ACACB: variants seen among roughly 807,000 people sequenced by gnomAD.
The protein encoded by ACACB is acetyl-CoA carboxylase beta.
A neutral mutation model predicts 278.8 loss-of-function variants in ACACB; 209 were observed. The ratio of observed to expected loss-of-function variants is 0.75; its 90% CI spans 0.67 to 0.84. The LOEUF is 0.84. Ranked by LOEUF, ACACB falls within the 40% of genes least tolerant of loss-of-function variation. ACACB has a pLI of 0.00. For synonymous variants in ACACB, 1,174 were observed against 1,285.6 expected, an observed-to-expected ratio of 0.91 and a Z score of 1.86; for missense variants, 2,850 against 3,269.0, an observed-to-expected ratio of 0.87 and a Z score of 3.13.
intron 2 of ACACB, among the ~76,000 whole-genome samples, chr12:109,149,388 T>C (rs1310255221): frequency 6.6e-6 from 1 of 152,086 alleles, no homozygotes; most frequent in East Asian, 1.9e-4. Flanking sequence ...TTTGTTCCTT[T>C]ATATGTGGAG....
At chr12:109,260,145 T>G (rs1346944837) in intron 47 of ACACB, 1 of 1,397,396 alleles carries the variant, frequency 7.2e-7, no homozygotes, top group East Asian at 3.9e-5. Context: ...AGGATCAGTG[T>G]GACTGTTAGT....
At chr12:109,195,874 GA>G (rs2045107753) in intron 16 of ACACB, among the ~76,000 whole-genome samples, 1 of 152,090 alleles carries the variant, frequency 6.6e-6, no homozygotes, top group South Asian at 2.1e-4. Context: ...TGTGACTGAG[GA>G]ACTGAATTTT....
chr12:109,143,512 G>A (rs1050865122), intron 2 of ACACB, among the ~76,000 whole-genome samples: 5 of 149,812 alleles, frequency 3.3e-5, no homozygotes, highest in Non-Finnish European at 7.4e-5. Context: ...CCAGACTCCT[G>A]AGATGTGACC....
rs376875433 is a variant in ACACB, at chr12:109,191,954, G to C, written c.2399+4G>C. 6.2e-7 allele frequency: 1 copy of C among 1,614,024 alleles called. No individual in the cohort carries two copies. Among genetic ancestry groups the C allele is most frequent in the African/African-American group, 1.3e-5 (1 of 74,930 alleles). On this transcript the variant is annotated splice_donor_region_variant and intron_variant, in intron 15 of 52. Coordinates refer to ENST00000338432, the MANE Select transcript of ACACB (RefSeq NM_001093.4). ...ATTTCTTACACTCCCTGGAAAGGTA[G>C]GGGCTGTGGCAGTTCCCTTCTGCTT...
At chr12:109,131,518 T>C (rs762667747) in intron 1 of ACACB, 1 of 152,660 alleles carries the variant, frequency 6.6e-6, no homozygotes, top group African/African-American at 2.4e-5. Flanking sequence ...TTCTGTCCCC[T>C]CTGTCCTTTA....
At chr12:109,210,584 TATAAAC>T (rs2045812076) in intron 21 of ACACB, among the ~76,000 whole-genome samples, 1 of 149,058 alleles carries the variant, frequency 6.7e-6, no homozygotes, top group South Asian at 2.1e-4. Flanking sequence ...TGTATATACA[TATAAAC>T]ATATATATGT....
At chr12:109,171,133 C>T (rs1033607649) in intron 4 of ACACB, among the ~76,000 whole-genome samples, 13 of 149,680 alleles carry the variant, frequency 8.7e-5, no homozygotes, top group Non-Finnish European at 7.4e-5. Flanking sequence ...GGATGTCAGG[C>T]GTGCACCACC....
In ACACB at chr12:109,139,925, T is replaced by C. The variant is rs1308392719; in HGVS notation, c.520T>C (p.Ser174Pro). Residue 174 changes from serine to proline, a missense_variant, in exon 2 of 53, where the codon TCC (serine) becomes CCC (proline). By Grantham distance (74) the Ser-to-Pro change is moderately conservative. This residue lies in a region of ACACB where 2,265 missense variants were observed against 2,561.3 expected (regional missense o/e 0.88). Coordinates refer to ENST00000338432, the MANE Select transcript of ACACB (RefSeq NM_001093.4). ...NFILGSFDDY[S>P]SDEDSVAGSS... ...CATCCTGGGCTCTTTTGATGACTAC[T>C]CCTCCGACGAGGACTCTGTTGCTGG... The C allele has an allele frequency of 1.9e-6, 3 of 1,613,982 alleles. No homozygotes were observed. In the African/African-American group the frequency reaches 4.0e-5, roughly 22 times the overall value.
At chr12:109,132,291 A>C (rs2042848808) in intron 1 of ACACB, among the ~76,000 whole-genome samples, 1 of 152,030 alleles carries the variant, frequency 6.6e-6, no homozygotes, top group African/African-American at 2.4e-5. Context: ...CAGCCTCCCA[A>C]GTAGCTGGGA....
chr12:109,259,583 CAA>C (rs555119482), intron 47 of ACACB, among the ~76,000 whole-genome samples: 2 of 142,280 alleles, frequency 1.4e-5, no homozygotes, highest in Non-Finnish European at 3.0e-5. Context: ...AACAAAAAAA[CAA>C]AAAAAAAACA....
chr12:109,118,998 C>T (rs2042473296), intron 1 of ACACB, among the ~76,000 whole-genome samples: 1 of 152,088 alleles, frequency 6.6e-6, no homozygotes, highest in Non-Finnish European at 1.5e-5. Flanking sequence ...CCAGGCTGGG[C>T]ACAGCAGAGA....
intron 45 of ACACB, 44 bp from the exon 46 acceptor site, chr12:109,258,224 T>G: frequency 6.6e-7 from 1 of 1,525,872 alleles, no homozygotes; most frequent in East Asian, 2.3e-5. Context: ...CAAATGCACC[T>G]GGGGTGCTGC....
In ACACB at chr12:109,233,242, T is replaced by C. The variant is rs920401103; in HGVS notation, c.4139+436T>C. On this transcript the variant is annotated intron_variant, in intron 29 of 52. Coordinates refer to ENST00000338432, the MANE Select transcript of ACACB (RefSeq NM_001093.4). ...TGAAATAACATATTTAAAGTATAAT[T>C]AGTATGCAGATAATATAGTGACTAA... is the stretch of plus-strand genomic sequence containing the variant. Among the ~76,000 whole-genome samples, 4 of 152,196 alleles carry C rather than the reference T, an allele frequency of 2.6e-5. No individual in the cohort carries two copies. The South Asian group carries it at 8.3e-4, about 31-fold the overall frequency.
Position 109,166,649 on chromosome 12 carries a change from CAAAAAAAAAAA to C in ACACB, c.654-194_654-184del, listed in dbSNP as rs869303420. 4.4e-4 allele frequency among the ~76,000 whole-genome samples: 11 copies of C among 25,088 alleles called. 2 individuals carry two copies. The South Asian group carries it at 0.029, about 67-fold the overall frequency. 16.5% of individuals were successfully genotyped at this position (25,088 alleles called of 152,430 possible). A position where few individuals can be genotyped will look rare whatever the true frequency, so the allele number is the denominator to read the frequency against. On this transcript the variant is annotated intron_variant, in intron 2 of 52. Transcript: ENST00000338432. ...TAGGTGACAGAATGAGATCCCGTCT[CAAAAAAAAAAA>C]AAAAAAAAAAAAAAAAACCGAAGGT...
At position 109,242,612 on chromosome 12, in the gene ACACB, C is replaced by T. The variant is rs369670321; in HGVS notation, c.5178+20C>T. On this transcript the variant is annotated intron_variant, in intron 37 of 52. Transcript: ENST00000338432. ...AGGCAGGCAAGTCCGGCGGCTCAGACGCGGTACCCCCTGGGTCCTCCCAGC... is the reference window on the plus strand; with the variant it reads ...AGGCAGGCAAGTCCGGCGGCTCAGATGCGGTACCCCCTGGGTCCTCCCAGC... 1.3e-5 allele frequency: 21 copies of T among 1,613,268 alleles called. No individual in the cohort carries two copies. Among genetic ancestry groups the T allele is most frequent in the South Asian group, 9.9e-5 (9 of 90,970 alleles).
At position 109,265,452 on chromosome 12, in the gene ACACB, G is replaced by C. The variant is rs2047492066; in HGVS notation, c.7177G>C (p.Asp2393His). 1.2e-6 allele frequency: 2 copies of C among 1,613,300 alleles called. No homozygotes were observed. Among genetic ancestry groups the C allele is most frequent in the East Asian group, 2.2e-5 (1 of 44,822 alleles). Residue 2393 changes from aspartate (D) to histidine (H), a missense_variant, in exon 52 of 53, where the codon GAT becomes CAT. Physicochemically the swap from Asp to His is moderately conservative, Grantham distance 81. This residue lies in a region of ACACB where 579 missense variants were observed against 684.6 expected (regional missense o/e 0.85). Coordinates refer to ENST00000338432, the MANE Select transcript of ACACB (RefSeq NM_001093.4). ...GCTGGAACAGCACTGGCAGGCAGGG[G>C]ATGGCCCGCGCTCCACCATCCGTGA... ...QWLEQHWQAG[D>H]GPRSTIRENI...
At chr12:109,262,758 C>T (rs1450411405) in intron 49 of ACACB, among the ~76,000 whole-genome samples, 1 of 151,274 alleles carries the variant, frequency 6.6e-6, no homozygotes, top group East Asian at 2.0e-4. Flanking sequence ...GCTGGGACTA[C>T]AAGTACGCAA....
At chr12:109,171,747 C>T in intron 4 of ACACB, 58 bp from the exon 5 acceptor site, 2 of 1,293,002 alleles carry the variant, frequency 1.5e-6, no homozygotes, top group South Asian at 2.4e-5. Context: ...TTGTAATGTT[C>T]TGCCATTGAT....
At position 109,159,974 on chromosome 12, in the gene ACACB, C is replaced by A. The variant is rs899643463; in HGVS notation, c.654-6887C>A. On this transcript the variant is annotated intron_variant, in intron 2 of 52. Transcript: ENST00000338432. ...GCATGGTGGCAGGCACCTATAGTCC[C>A]AGCTACTCGGGAGGCTGAGACAGGA... Among the ~76,000 whole-genome samples, 3 of 151,682 alleles carry A rather than the reference C, an allele frequency of 2.0e-5. No individual in the cohort carries two copies. In the East Asian group the frequency reaches 5.8e-4, roughly 29 times the overall value.
Sources: gnomAD v4.1 joint callset for allele counts (sites outside exome capture counted in the v4.1 genomes callset) on GRCh38, gnomAD v4.1.1 for gene constraint, gnomAD v4.1.1 regional missense constraint, MANE v1.5 for transcripts, NCBI Gene and HGNC (gene_info 2026-07-23, HGNC 2026-07-21) for gene names.